The following DPYD variants were observed in gnomAD, a reference collection of about 807,000 sequenced individuals.
DPYD encodes the protein dihydropyrimidine dehydrogenase [NADP(+)].
In DPYD, 109 loss-of-function variants were observed where a neutral mutation model predicts 116.2. That is an observed-to-expected ratio of 0.94 (90% CI 0.80 to 1.10). DPYD has a LOEUF of 1.10. Ranked by LOEUF, DPYD falls within the 50% of genes least tolerant of loss-of-function variation. The pLI is 0.00. For synonymous variants in DPYD, 440 were observed against 432.0 expected (o/e 1.02, Z -0.23); for missense variants, 1,302 against 1,254.5 (o/e 1.04, Z -0.57).
At chr1:97,314,695 G>C (rs1419280633) in intron 16 of DPYD, among the ~76,000 whole-genome samples, 2 of 151,724 alleles carry the variant, frequency 1.3e-5, no homozygotes, top group African/African-American at 2.4e-5. Context: ...TCAAATTTCA[G>C]ATCTCCTCTG....
At chr1:97,636,826 C>T (rs1185700581) in intron 8 of DPYD, among the ~76,000 whole-genome samples, 1 of 152,064 alleles carries the variant, frequency 6.6e-6, no homozygotes, top group Non-Finnish European at 1.5e-5. Flanking sequence ...GAAGTTCACT[C>T]AGTGAATGAG....
intron 1 of DPYD, among the ~76,000 whole-genome samples, chr1:97,888,592 G>A (rs1345010883): frequency 6.6e-6 from 1 of 150,880 alleles, no homozygotes; most frequent in Non-Finnish European, 1.5e-5. Context: ...TAAAAGGGCT[G>A]AAAGTCAATA....
chr1:97,546,616 G>A, intron 12 of DPYD: 1 of 1,612,500 alleles, frequency 6.2e-7, no homozygotes, highest in Non-Finnish European at 8.5e-7. Context: ...CTTTCCTGAG[G>A]AAAAACAAGA....
At chr1:97,107,170 G>T (rs1170415911) in intron 20 of DPYD, among the ~76,000 whole-genome samples, 1 of 152,068 alleles carries the variant, frequency 6.6e-6, no homozygotes, top group Non-Finnish European at 1.5e-5. Context: ...CTTCCTGACA[G>T]ACTTCTATTT....
chr1:97,189,819 C>T (rs1033702694), intron 20 of DPYD, among the ~76,000 whole-genome samples: 3 of 152,100 alleles, frequency 2.0e-5, no homozygotes, highest in African/African-American at 7.2e-5. Context: ...CCAGCCCCAG[C>T]AAGGTGTGGG....
intron 16 of DPYD, among the ~76,000 whole-genome samples, chr1:97,352,387 G>T (rs780859940): frequency 6.6e-6 from 1 of 152,226 alleles, no homozygotes; most frequent in Admixed American, 6.5e-5. Flanking sequence ...AAATGAATCA[G>T]TGAATTAACT....
chr1:97,728,403 C>T (rs914353342), intron 4 of DPYD, among the ~76,000 whole-genome samples: 3 of 152,000 alleles, frequency 2.0e-5, no homozygotes, highest in African/African-American at 4.8e-5. Flanking sequence ...CATGAAACTG[C>T]ATTAGTGTCA....
chr1:97,367,272 T>C (rs2101473753), intron 16 of DPYD, among the ~76,000 whole-genome samples: 1 of 151,706 alleles, frequency 6.6e-6, no homozygotes, highest in African/African-American at 2.4e-5. Context: ...ACAAAGCCTC[T>C]CTCTTTTTTT....
At chr1:97,886,972 A>C (rs902260562) in intron 1 of DPYD, among the ~76,000 whole-genome samples, 5 of 151,940 alleles carry the variant, frequency 3.3e-5, no homozygotes, top group African/African-American at 1.2e-4. Context: ...TCCACAGCAA[A>C]AGTAATAAAG....
At chr1:97,797,153 A>T (rs1667612407) in intron 3 of DPYD, 1 of 152,134 alleles carries the variant, frequency 6.6e-6, no homozygotes, top group East Asian at 1.9e-4. Flanking sequence ...CAAAAATGTA[A>T]TACATTTATC....
At position 97,399,377 on chromosome 1, in the gene DPYD, G is replaced by A. The variant is rs867952167; in HGVS notation, c.1906-16916C>T. 1.9e-3 allele frequency among the ~76,000 whole-genome samples: 296 copies of A among 152,256 alleles called. 3 individuals are homozygous for A. Among genetic ancestry groups the A allele is most frequent in the Middle Eastern group, 6.8e-3 (2 of 294 alleles). On this transcript the variant is annotated intron_variant, in intron 14 of 22. Coordinates refer to ENST00000370192, the MANE Select transcript of DPYD (RefSeq NM_000110.4). ...TAGTAGTATAGTTTGAAGTCAGGTAGCATGATGCCTCCAGCTTCGTTCTTT... is the reference window on the plus strand; with the variant it reads ...TAGTAGTATAGTTTGAAGTCAGGTAACATGATGCCTCCAGCTTCGTTCTTT...
At chr1:97,357,921 A>T (rs961528449) in intron 16 of DPYD, among the ~76,000 whole-genome samples, 3 of 152,184 alleles carry the variant, frequency 2.0e-5, no homozygotes, top group African/African-American at 7.2e-5. Flanking sequence ...TTTCCAGCTG[A>T]GGTACCTGGT....
intron 16 of DPYD, among the ~76,000 whole-genome samples, chr1:97,372,781 C>T (rs954427202): frequency 1.3e-5 from 2 of 151,912 alleles, no homozygotes; most frequent in Non-Finnish European, 2.9e-5. Context: ...AGTACAAGAT[C>T]CTGTGCCAGA....
At chr1:97,118,424 C>G (rs540319991) in intron 20 of DPYD, among the ~76,000 whole-genome samples, 2 of 151,718 alleles carry the variant, frequency 1.3e-5, no homozygotes, top group South Asian at 4.2e-4. Flanking sequence ...AGAAACTTTT[C>G]CAACATACAA....
rs574366500 is a variant in DPYD, at chr1:97,464,170, C to T, written c.1741-13947G>A. 9.2e-4 allele frequency among the ~76,000 whole-genome samples: 140 copies of T among 151,588 alleles called. 1 individual carries two copies. Among genetic ancestry groups the T allele is most frequent in the Middle Eastern group, 6.8e-3 (2 of 292 alleles). On this transcript the variant is annotated intron_variant, in intron 13 of 22. Coordinates refer to ENST00000370192, the MANE Select transcript of DPYD (RefSeq NM_000110.4). ...AGGAGAATCACTTGAACCTGGGAGG[C>T]GGAGGTTGCAGTGAGCTGAGATTGC... is the stretch of plus-strand genomic sequence containing the variant.
At chr1:97,118,740 CAG>C (rs1490004130) in intron 20 of DPYD, among the ~76,000 whole-genome samples, 1 of 152,120 alleles carries the variant, frequency 6.6e-6, no homozygotes, top group East Asian at 1.9e-4. Context: ...ACTGTCGACT[CAG>C]AAGTTTAGAT....
At position 97,134,013 on chromosome 1, in the gene DPYD, AAATATATATATATATATATATATAT is replaced by A. The variant is rs1403391790; in HGVS notation, c.2623-35406_2623-35382del. 8.5e-4 allele frequency among the ~76,000 whole-genome samples: 16 copies of A among 18,802 alleles called. 4 individuals are homozygous for A. The highest frequency in any genetic ancestry group is 2.1e-3 in the African/African-American group (11 of 5,128). The allele number at this position is 18,802 out of a possible 152,430, so 12.3% of individuals were successfully genotyped here. On this transcript the variant is annotated intron_variant, in intron 20 of 22. Transcript: ENST00000370192. ...GACTCTGTTTCAAAAAAAAAAAAAA[AAATATATATATATATATATATATAT>A]ATATATATATATATATATATATATA...
rs919244788 is a variant in DPYD, at chr1:97,920,809, G to T, written c.39+75C>A. ...CTCTCCGGGGTGCGGGGGCCGCGGG[G>T]GCCTCCCCGGCACCTACCCGCAGAG... On this transcript the variant is annotated intron_variant, in intron 1 of 22. Transcript: ENST00000370192. 5.2e-6 allele frequency: 8 copies of T among 1,538,816 alleles called. No individual in the cohort carries two copies. The African/African-American group carries it at 8.2e-5, about 16-fold the overall frequency.
chr1:97,563,177 A>T (rs1652284848), intron 11 of DPYD, among the ~76,000 whole-genome samples: 1 of 152,224 alleles, frequency 6.6e-6, no homozygotes. Flanking sequence ...CTATATTATC[A>T]TTTTATAGTT....
Sources: allele counts gnomAD v4.1 joint callset (sites outside exome capture counted in the v4.1 genomes callset), GRCh38; gene constraint gnomAD v4.1.1; transcripts MANE v1.5; gene names NCBI Gene and HGNC (gene_info 2026-07-23, HGNC 2026-07-21).